TRAK1: variants seen among roughly 807,000 people sequenced by gnomAD.
TRAK1 encodes the protein trafficking kinesin-binding protein 1.
Under a neutral mutation model 92.1 loss-of-function variants are expected in TRAK1, and 33 were observed. The observed-to-expected ratio is 0.36, with a 90% CI of 0.27 to 0.48. The LOEUF (loss-of-function observed/expected upper bound fraction) is 0.48. Ranked by LOEUF, TRAK1 falls within the 20% of genes least tolerant of loss-of-function variation. The pLI is 0.99. For synonymous variants in TRAK1, 521 were observed against 517.3 expected (o/e 1.01, Z -0.10); for missense variants, 1,123 against 1,257.9 (o/e 0.89, Z 1.62).
intron 1 of TRAK1, among the ~76,000 whole-genome samples, chr3:42,020,165 C>CT (rs1224654308): frequency 6.6e-6 from 1 of 152,224 alleles, no homozygotes; most frequent in African/African-American, 2.4e-5. Flanking sequence ...CTTTTGGTTG[C>CT]TACTGTGTTC....
At position 42,041,451 on chromosome 3, in the gene TRAK1, A is replaced by G. The variant is rs559799272; in HGVS notation, c.-519+27334A>G. Among the ~76,000 whole-genome samples, 3 of 152,274 alleles carry G rather than the reference A, an allele frequency of 2.0e-5. 1 individual carries two copies. In the Middle Eastern group the frequency reaches 0.01, roughly 518 times the overall value. ...TGTATAAAAATACGACTGATTTGGT[A>G]TGTTGATCTTATATCTTGCAACCTT... On this transcript the variant is annotated intron_variant, in intron 1 of 16. Transcript: ENST00000487159.
intron 1 of TRAK1, among the ~76,000 whole-genome samples, chr3:42,070,248 A>AATT (rs34910940): frequency 0.029 from 4,169 of 146,260 alleles, 220 homozygotes; most frequent in African/African-American, 0.098. Context: ...GAATAATAAT[A>AATT]ATTATTATAA....
upstream of TRAK1, among the ~76,000 whole-genome samples, chr3:42,082,568 C>G (rs563650945): frequency 4.4e-4 from 67 of 152,114 alleles, no homozygotes; most frequent in African/African-American, 1.6e-3. Flanking sequence ...GCACTCCAGC[C>G]TGGGAGACAG....
intron 2 of TRAK1, among the ~76,000 whole-genome samples, chr3:42,142,809 C>G (rs1435088727): frequency 6.6e-6 from 1 of 152,170 alleles, no homozygotes; most frequent in Non-Finnish European, 1.5e-5. Context: ...ACAGACTCAC[C>G]TTGTCTCTTC....
chr3:42,104,457 C>A (rs1366395248), intron 1 of TRAK1, among the ~76,000 whole-genome samples: 1 of 152,148 alleles, frequency 6.6e-6, no homozygotes, highest in Non-Finnish European at 1.5e-5. Context: ...TAGGGGCCGA[C>A]TGACACCTCA....
chr3:42,112,505 C>T (rs1708574863), intron 1 of TRAK1, among the ~76,000 whole-genome samples: 4 of 150,802 alleles, frequency 2.7e-5, no homozygotes, highest in South Asian at 4.2e-4. Flanking sequence ...GAGGCAAAGG[C>T]GAGTAGATCA....
At chr3:42,146,214 C>G in intron 2 of TRAK1, 1 of 305,374 alleles carries the variant, frequency 3.3e-6, no homozygotes, top group Non-Finnish European at 6.7e-6. Flanking sequence ...GAAAAGTATC[C>G]AAATGCGTCT....
chr3:42,160,591 AAGTT>A, intron 2 of TRAK1: 2 of 1,139,464 alleles, frequency 1.8e-6, no homozygotes, highest in Non-Finnish European at 2.4e-6. Context: ...GTTGAGGTAT[AAGTT>A]AGAGATCTTA....
chr3:42,100,143 T>A (rs1181680578), intron 1 of TRAK1, among the ~76,000 whole-genome samples: 3 of 152,154 alleles, frequency 2.0e-5, no homozygotes, highest in Non-Finnish European at 4.4e-5. Context: ...GAGAATCGCT[T>A]CAGCCAAGGA....
At position 42,102,380 on chromosome 3, in the gene TRAK1, A is replaced by G. The variant is rs114591941; in HGVS notation, c.91+10820A>G. 3.9e-3 allele frequency among the ~76,000 whole-genome samples: 593 copies of G among 152,330 alleles called. 2 individuals carry two copies. Among genetic ancestry groups the G allele is most frequent in the African/African-American group, 0.013 (551 of 41,564 alleles). ...TTACCTTGGGTTTTCCAAACAGTTG[A>G]TGTGGAAGGCAATTTAATCTTTCTC... is the stretch of plus-strand genomic sequence containing the variant. On this transcript the variant is annotated intron_variant, in intron 1 of 15. Transcript: ENST00000327628.
At chr3:42,180,942 C>G (rs1035195404) in intron 3 of TRAK1, among the ~76,000 whole-genome samples, 1 of 152,104 alleles carries the variant, frequency 6.6e-6, no homozygotes, top group African/African-American at 2.4e-5. Context: ...TTTAAAATTA[C>G]TCTAAAGATT....
At chr3:42,110,065 C>T (rs541491325) in intron 1 of TRAK1, among the ~76,000 whole-genome samples, 1 of 134,118 alleles carries the variant, frequency 7.5e-6, no homozygotes, top group Non-Finnish European at 1.6e-5. Flanking sequence ...CAAACCTGCA[C>T]GTTGTGCACA....
intron 2 of TRAK1, among the ~76,000 whole-genome samples, chr3:42,134,173 C>T (rs1468518895): frequency 2.0e-5 from 3 of 147,708 alleles, no homozygotes; most frequent in Admixed American, 1.3e-4. Flanking sequence ...TCCCCTTCCC[C>T]TTCCTCTTCC....
Position 42,224,417 on chromosome 3 carries a change from A to T in TRAK1, c.*680A>T. The stretch of plus-strand genomic sequence containing the variant: ...AATCAGCTGTCAGGCCAAATGTCTG[A>T]CCCGAAAGAGAATGTATTTACACTC... On this transcript the variant is annotated 3_prime_UTR_variant, in exon 16 of 16. Coordinates refer to ENST00000327628, the MANE Select transcript of TRAK1 (RefSeq NM_001042646.3). 4.2e-6 allele frequency: 1 copy of T among 238,880 alleles called. No individual in the cohort carries two copies. Among genetic ancestry groups the T allele is most frequent in the Non-Finnish European group, 8.2e-6 (1 of 121,634 alleles). 14.8% of individuals were successfully genotyped at this position (238,880 alleles called of 1,614,324 possible).
chr3:42,028,307 A>G (rs1214563912), intron 1 of TRAK1, among the ~76,000 whole-genome samples: 2 of 152,212 alleles, frequency 1.3e-5, no homozygotes, highest in Non-Finnish European at 1.5e-5. Context: ...TCCGCAGGTA[A>G]GAATCACCTT....
chr3:42,041,436 T>A (rs11926573), intron 1 of TRAK1, among the ~76,000 whole-genome samples: 14,518 of 152,198 alleles, frequency 0.095, 2,382 homozygotes, highest in African/African-American at 0.33. Context: ...TGTATAAAAA[T>A]ACGACTGATT....
chr3:42,091,398 G>A lies in TRAK1; in HGVS notation c.-72G>A. Reference sequence around the variant, plus strand: ...AGGCACGGGAGGGTGGCTGTGCGAGGTACTGCCGGGGCTGAGCTCTCATGG... The same window carrying A: ...AGGCACGGGAGGGTGGCTGTGCGAGATACTGCCGGGGCTGAGCTCTCATGG... On this transcript the variant is annotated 5_prime_UTR_variant, in exon 1 of 16. Coordinates refer to ENST00000327628, the MANE Select transcript of TRAK1 (RefSeq NM_001042646.3). 1 of 1,413,138 alleles carries A rather than the reference G, an allele frequency of 7.1e-7. No homozygotes were observed. The highest frequency in any genetic ancestry group is 1.2e-5 in the South Asian group (1 of 82,792). The allele number at this position is 1,413,138 out of a possible 1,614,324, so 87.5% of individuals were successfully genotyped here.
intron 2 of TRAK1, among the ~76,000 whole-genome samples, chr3:42,135,643 G>A (rs1012930748): frequency 6.6e-6 from 1 of 152,212 alleles, no homozygotes; most frequent in African/African-American, 2.4e-5. Context: ...CTTTCGGCCT[G>A]TGTTTGTGTG....
chr3:42,078,081 A>C (rs1170104560), intron 1 of TRAK1, among the ~76,000 whole-genome samples: 1 of 152,176 alleles, frequency 6.6e-6, no homozygotes, highest in Non-Finnish European at 1.5e-5. Context: ...TTGAGGTGGG[A>C]CTAAATCCAG....
Sources: allele counts gnomAD v4.1 joint callset (sites outside exome capture counted in the v4.1 genomes callset), GRCh38; gene constraint gnomAD v4.1.1; transcripts MANE v1.5; gene names NCBI Gene and HGNC (gene_info 2026-07-23, HGNC 2026-07-21).